DAB1: variants seen among roughly 807,000 people sequenced by gnomAD.
The protein encoded by DAB1 is DAB adaptor protein 1, also known as disabled homolog 1.
In DAB1, 15 loss-of-function variants were observed where a neutral mutation model predicts 64.6. The ratio of observed to expected loss-of-function variants is 0.23; its 90% CI spans 0.16 to 0.36. The LOEUF is 0.36. DAB1 is among the 10% of genes least tolerant of loss of function. The pLI is 1.00. For synonymous variants in DAB1, 235 were observed against 251.9 expected (o/e 0.93, Z 0.64); for missense variants, 596 against 706.7 (o/e 0.84, Z 1.78).
intron 1 of DAB1, among the ~76,000 whole-genome samples, chr1:57,303,287 G>T (rs1673825999): frequency 6.6e-6 from 1 of 152,208 alleles, no homozygotes; most frequent in South Asian, 2.1e-4. Flanking sequence ...AGCTTCTGGA[G>T]CCTGTGAACA....
At chr1:57,201,071 G>A (rs2100271393) in intron 2 of DAB1, among the ~76,000 whole-genome samples, 1 of 152,282 alleles carries the variant, frequency 6.6e-6, no homozygotes, top group African/African-American at 2.4e-5. Flanking sequence ...GAGAGCTTAG[G>A]TGATTCTCTC....
At chr1:58,433,904 A>G (rs1644912808) in intron 3 of DAB1, among the ~76,000 whole-genome samples, 1 of 152,166 alleles carries the variant, frequency 6.6e-6, no homozygotes, top group Non-Finnish European at 1.5e-5. Flanking sequence ...AGTTAACCAC[A>G]TGAATATTTG....
chr1:57,849,158 A>C (rs1653413730), intron 1 of DAB1, among the ~76,000 whole-genome samples: 1 of 152,182 alleles, frequency 6.6e-6, no homozygotes, highest in Admixed American at 6.5e-5. Flanking sequence ...CTGAAATACC[A>C]GCCCTGGAGC....
chr1:58,489,837 G>A (rs190845023), intron 3 of DAB1, among the ~76,000 whole-genome samples: 124 of 152,320 alleles, frequency 8.1e-4, no homozygotes, highest in African/African-American at 2.9e-3. Context: ...AACAGGGTCT[G>A]GAGTGGTCCT....
At chr1:57,279,620 AC>A (rs1671732822) in intron 2 of DAB1, among the ~76,000 whole-genome samples, 1 of 152,228 alleles carries the variant, frequency 6.6e-6, no homozygotes, top group Admixed American at 6.5e-5. Flanking sequence ...TGGAAAACAC[AC>A]ACAGTTGGCC....
intron 3 of DAB1, among the ~76,000 whole-genome samples, chr1:58,420,765 T>C (rs1644764230): frequency 6.6e-6 from 1 of 152,186 alleles, no homozygotes; most frequent in Admixed American, 6.5e-5. Context: ...AGAGAGCAGA[T>C]GGTCATTTTC....
intron 6 of DAB1, among the ~76,000 whole-genome samples, chr1:57,699,694 C>G (rs1445935636): frequency 6.6e-6 from 1 of 152,164 alleles, no homozygotes; most frequent in Admixed American, 6.6e-5. Flanking sequence ...GCAGGCAGAT[C>G]ACGAGGTCAA....
At chr1:58,464,116 T>A (rs557792777) in intron 3 of DAB1, among the ~76,000 whole-genome samples, 1 of 152,306 alleles carries the variant, frequency 6.6e-6, no homozygotes, top group East Asian at 1.9e-4. Context: ...GGAAGCAAAG[T>A]GCTCTGGCCA....
At chr1:57,175,298 A>T (rs932349191) in intron 2 of DAB1, among the ~76,000 whole-genome samples, 1 of 148,368 alleles carries the variant, frequency 6.7e-6, no homozygotes, top group Non-Finnish European at 1.5e-5. Flanking sequence ...GTTTTTTTTT[A>T]TTATTTCAGA....
chr1:58,536,479 A>C (rs754633592), intron 1 of DAB1: 1 of 821,818 alleles, frequency 1.2e-6, no homozygotes, highest in South Asian at 1.4e-5. Flanking sequence ...TGTTATATTA[A>C]GCAGTCTAAT....
At chr1:57,617,930 C>A (rs72908580) in intron 7 of DAB1, among the ~76,000 whole-genome samples, 2,100 of 152,260 alleles carry the variant, frequency 0.014, 62 homozygotes, top group African/African-American at 0.048. Flanking sequence ...CATAACTTCT[C>A]ATTTTACCTA....
At chr1:58,470,675 T>C (rs1645347758) in intron 3 of DAB1, among the ~76,000 whole-genome samples, 1 of 152,216 alleles carries the variant, frequency 6.6e-6, no homozygotes. Context: ...TGCGGTTCTA[T>C]TCCAGAACAC....
chr1:57,825,950 C>A (rs1021134485), downstream of DAB1: 1 of 152,136 alleles, frequency 6.6e-6, no homozygotes, highest in Admixed American at 6.5e-5. Flanking sequence ...TCTGCATCAG[C>A]ATGTTGAATT....
chr1:58,019,158 A>G (rs1437158890), intron 5 of DAB1, among the ~76,000 whole-genome samples: 1 of 152,202 alleles, frequency 6.6e-6, no homozygotes, highest in African/African-American at 2.4e-5. Context: ...AAATGCTAAA[A>G]TGGTTCAGTT....
intron 6 of DAB1, among the ~76,000 whole-genome samples, chr1:57,742,450 T>C (rs1648047342): frequency 6.6e-6 from 1 of 152,064 alleles, no homozygotes; most frequent in African/African-American, 2.4e-5. Context: ...CAGTGAGATA[T>C]AATGGGGAGG....
chr1:58,251,943 C>G (rs1660810545), intron 4 of DAB1, among the ~76,000 whole-genome samples: 1 of 152,174 alleles, frequency 6.6e-6, no homozygotes, highest in South Asian at 2.1e-4. Flanking sequence ...CAGCAACTTC[C>G]CCTCTGCCTG....
In DAB1 at chr1:57,070,781, C is replaced by T. The variant is rs41286864; in HGVS notation, c.597+242G>A. On this transcript the variant is annotated intron_variant, in intron 7 of 14. Transcript: ENST00000371236. ...AACTTTTACAGACTGTGAAGGGGGC[C>T]GAGGCAGAGGCAAGAAGGGAGAAGC... 3.0e-3 allele frequency: 1,594 copies of T among 529,490 alleles called. 5 individuals carry two copies. The highest frequency in any genetic ancestry group is 4.4e-3 in the Non-Finnish European group (1,249 of 286,332). 32.8% of individuals were successfully genotyped at this position (529,490 alleles called of 1,614,324 possible).
intron 2 of DAB1, among the ~76,000 whole-genome samples, chr1:57,173,987 G>C (rs771633871): frequency 6.6e-6 from 1 of 152,120 alleles, no homozygotes; most frequent in African/African-American, 2.4e-5. Flanking sequence ...TGAAGTCCCT[G>C]GATTGGAATT....
chr1:57,578,287 C>G (rs144585963), intron 7 of DAB1, among the ~76,000 whole-genome samples: 2 of 152,344 alleles, frequency 1.3e-5, no homozygotes, highest in African/African-American at 4.8e-5. Context: ...AGCATGTCCA[C>G]TGTGCAGGTC....
Sources: gnomAD v4.1 joint callset for allele counts (sites outside exome capture counted in the v4.1 genomes callset) on GRCh38, gnomAD v4.1.1 for gene constraint, MANE v1.5 for transcripts, NCBI Gene and HGNC (gene_info 2026-07-23, HGNC 2026-07-21) for gene names.